Variants in MSI2 observed in about 807,000 individuals in gnomAD.
The protein encoded by MSI2 is RNA-binding protein Musashi homolog 2.
A neutral mutation model predicts 45.6 loss-of-function variants in MSI2; 17 were observed. That is an observed-to-expected ratio of 0.37 (90% CI 0.26 to 0.56). The LOEUF (loss-of-function observed/expected upper bound fraction) is 0.56, where lower values mean the gene tolerates loss of function less well. Among genes scored for constraint, MSI2 ranks in the 20% least tolerant of loss-of-function variants. The pLI is 0.77. For synonymous variants in MSI2, 156 were observed against 158.2 expected (o/e 0.99, Z 0.11); for missense variants, 293 against 444.2 (o/e 0.66, Z 3.06).
chr17:57,536,780 C>G (rs1432467359), intron 7 of MSI2, among the ~76,000 whole-genome samples: 1 of 152,174 alleles, frequency 6.6e-6, no homozygotes, highest in African/African-American at 2.4e-5. Context: ...CCTGGCCTCC[C>G]AGAGCTTTCA....
At chr17:57,432,545 G>A (rs2084616189) in intron 6 of MSI2, 1 of 152,474 alleles carries the variant, frequency 6.6e-6, no homozygotes, top group African/African-American at 2.4e-5. Context: ...CCTTAGAGAT[G>A]TTTATGCTCA....
chr17:57,670,367 A>C (rs1278862897), intron 11 of MSI2, among the ~76,000 whole-genome samples: 1 of 152,232 alleles, frequency 6.6e-6, no homozygotes, highest in Non-Finnish European at 1.5e-5. Context: ...GCCAGACAGC[A>C]GGCATCTCTC....
chr17:57,463,754 C>T (rs1490118553), intron 6 of MSI2, among the ~76,000 whole-genome samples: 2 of 151,226 alleles, frequency 1.3e-5, no homozygotes, highest in African/African-American at 4.9e-5. Context: ...TCTGCTGTGC[C>T]CAGTCCAGAG....
chr17:57,473,744 C>T (rs2085484954), intron 6 of MSI2, among the ~76,000 whole-genome samples: 1 of 152,190 alleles, frequency 6.6e-6, no homozygotes, highest in Admixed American at 6.5e-5. Flanking sequence ...CTACTACCCA[C>T]CTTGTCTGGA....
chr17:57,320,838 TG>T (rs577823369), intron 5 of MSI2, among the ~76,000 whole-genome samples: 424 of 152,072 alleles, frequency 2.8e-3, no homozygotes, highest in African/African-American at 9.5e-3. Flanking sequence ...AGAAGAGACA[TG>T]GGTACAAAGG....
At chr17:57,401,192 T>A (rs984234846) in intron 5 of MSI2, among the ~76,000 whole-genome samples, 187 bp from the exon 6 acceptor site, 1 of 152,220 alleles carries the variant, frequency 6.6e-6, no homozygotes, top group Admixed American at 6.5e-5. Context: ...GCCATCTGAA[T>A]GCCTGAGATA....
intron 7 of MSI2, among the ~76,000 whole-genome samples, chr17:57,569,521 G>C (rs1232791805): frequency 1.3e-5 from 2 of 152,206 alleles, no homozygotes; most frequent in African/African-American, 4.8e-5. Context: ...TTGAGCCTGA[G>C]GCTCCAAAAC....
chr17:57,632,149 G>C (rs1598475653), intron 10 of MSI2: 1 of 1,198,942 alleles, frequency 8.3e-7, no homozygotes, highest in East Asian at 3.8e-5. Context: ...CTCAGGGGAA[G>C]CTAGGAAGAA....
intron 6 of MSI2, among the ~76,000 whole-genome samples, chr17:57,470,485 C>T (rs1266343658): frequency 6.6e-6 from 1 of 152,104 alleles, no homozygotes; most frequent in Non-Finnish European, 1.5e-5. Flanking sequence ...ACTATGTTGG[C>T]CAAGCTGGTC....
At chr17:57,365,932 A>T (rs1917154528) in intron 5 of MSI2, among the ~76,000 whole-genome samples, 2 of 152,090 alleles carry the variant, frequency 1.3e-5, no homozygotes, top group Admixed American at 1.3e-4. Context: ...ATTTTTTTTG[A>T]GACAGAGTCT....
intron 4 of MSI2, among the ~76,000 whole-genome samples, chr17:57,258,731 C>CA (rs1907046452): frequency 6.6e-6 from 1 of 152,170 alleles, no homozygotes; most frequent in Non-Finnish European, 1.5e-5. Context: ...TTTGAGAAGG[C>CA]ACAGCCTGCT....
At chr17:57,635,514 G>A (rs946452534) in intron 10 of MSI2, among the ~76,000 whole-genome samples, 3 of 152,354 alleles carry the variant, frequency 2.0e-5, no homozygotes, top group South Asian at 2.1e-4. Context: ...CCGCCAAAAG[G>A]CCTCTGGGCC....
chr17:57,642,735 C>G (rs1395793053), intron 10 of MSI2, among the ~76,000 whole-genome samples: 1 of 152,166 alleles, frequency 6.6e-6, no homozygotes, highest in Non-Finnish European at 1.5e-5. Flanking sequence ...CCGAGCTTGG[C>G]CTGTAGCAAG....
intron 7 of MSI2, among the ~76,000 whole-genome samples, chr17:57,587,625 C>T (rs943835759): frequency 1.3e-5 from 2 of 151,700 alleles, no homozygotes; most frequent in African/African-American, 4.8e-5. Context: ...CGCTTTCCCC[C>T]TCCTGATTAA....
intron 7 of MSI2, among the ~76,000 whole-genome samples, chr17:57,555,266 C>A (rs1368485630): frequency 1.3e-5 from 2 of 152,226 alleles, no homozygotes; most frequent in Non-Finnish European, 2.9e-5. Flanking sequence ...GTTTCAGACA[C>A]CTATCCCATC....
At chr17:57,339,549 T>A (rs779470009) in intron 5 of MSI2, among the ~76,000 whole-genome samples, 12 of 152,202 alleles carry the variant, frequency 7.9e-5, no homozygotes, top group Non-Finnish European at 1.6e-4. Context: ...TGATGGTCTG[T>A]GTGCAAGGGG....
In MSI2 at chr17:57,529,769, G is replaced by A. The variant is rs773049597; in HGVS notation, c.454+45G>A. ...AGAGGGTTGCGTTCACCCTCTCCTGGCCTCTCTGTCTGTCATCCCCAGTCC... is the reference window on the plus strand; with the variant it reads ...AGAGGGTTGCGTTCACCCTCTCCTGACCTCTCTGTCTGTCATCCCCAGTCC... On this transcript the variant is annotated intron_variant, in intron 7 of 13. Transcript: ENST00000284073. This position sits in a 1 kb window ranked among gnomAD's most constrained non-coding sequence, Gnocchi z 5.3. 2 of 1,531,280 alleles carry A rather than the reference G, an allele frequency of 1.3e-6. No homozygotes were observed. Among genetic ancestry groups the A allele is most frequent in the Non-Finnish European group, 1.8e-6 (2 of 1,116,530 alleles). The allele number at this position is 1,531,280 out of a possible 1,614,324, so 94.9% of individuals were successfully genotyped here. A position where few individuals can be genotyped will look rare whatever the true frequency, so the allele number is the denominator to read the frequency against.
intron 5 of MSI2, among the ~76,000 whole-genome samples, chr17:57,295,193 G>A (rs962516174): frequency 3.9e-5 from 6 of 152,116 alleles, no homozygotes; most frequent in East Asian, 1.9e-4. Flanking sequence ...TCTGTGCAGC[G>A]CTGCCCACTT....
intron 5 of MSI2, among the ~76,000 whole-genome samples, chr17:57,299,760 A>T (rs75032692): frequency 0.042 from 6,390 of 152,250 alleles, 338 homozygotes; most frequent in African/African-American, 0.12. Context: ...TGTGACACAG[A>T]AACATGAAGT....
Sources: allele counts gnomAD v4.1 joint callset (sites outside exome capture counted in the v4.1 genomes callset), GRCh38; gene constraint gnomAD v4.1.1; non-coding constraint Gnocchi (gnomAD v3.1); transcripts MANE v1.5; gene names NCBI Gene and HGNC (gene_info 2026-07-23, HGNC 2026-07-21).